Variants in PTPRQ observed in about 807,000 individuals in gnomAD.
PTPRQ encodes the protein protein tyrosine phosphatase receptor type Q, also known as phosphatidylinositol phosphatase PTPRQ.
In PTPRQ, 199 loss-of-function variants were observed where a neutral mutation model predicts 246.0. The ratio of observed to expected loss-of-function variants is 0.81; its 90% CI spans 0.72 to 0.91. The LOEUF (loss-of-function observed/expected upper bound fraction) is 0.91, where lower values mean the gene tolerates loss of function less well. Ranked by LOEUF, PTPRQ falls within the 40% of genes least tolerant of loss-of-function variation. The pLI is 0.00. For synonymous variants in PTPRQ, 869 were observed against 853.2 expected (o/e 1.02, Z -0.32); for missense variants, 2,624 against 2,528.4 (o/e 1.04, Z -0.81).
At position 80,496,083 on chromosome 12, in the gene PTPRQ, T is replaced by A; in HGVS notation, c.1967T>A (p.Ile656Asn). The A allele has an allele frequency of 6.5e-7, 1 of 1,548,876 alleles. No individual in the cohort carries two copies. Among genetic ancestry groups the A allele is most frequent in the Non-Finnish European group, 8.7e-7 (1 of 1,146,052 alleles). Residue 656 changes from isoleucine to asparagine, a missense_variant, in exon 13 of 45, where the codon ATC (isoleucine) becomes AAC (asparagine). Transcript: ENST00000644991. ...GESSLSEEND[I>N]FVRTSEDEPE... is the part of the protein sequence containing the mutation. ...AGTTCTTTGTCTGAAGAAAATGACA[T>A]CTTTGTGAGAACTTCAGAAGATGGT... is the stretch of plus-strand genomic sequence containing the variant.
intron 35 of PTPRQ, among the ~76,000 whole-genome samples, chr12:80,641,947 T>C (rs1485019436): frequency 2.0e-5 from 3 of 151,276 alleles, no homozygotes; most frequent in Non-Finnish European, 4.4e-5. Context: ...TTTCTTTCTC[T>C]TCTTTCTCTT....
chr12:80,657,532 T>C (rs1397559927), intron 38 of PTPRQ, among the ~76,000 whole-genome samples: 1 of 151,802 alleles, frequency 6.6e-6, no homozygotes, highest in African/African-American at 2.4e-5. Context: ...AAATTTCAAT[T>C]ATATCTATTC....
chr12:80,593,981 T>C (rs1897886620), intron 26 of PTPRQ, among the ~76,000 whole-genome samples: 1 of 151,516 alleles, frequency 6.6e-6, no homozygotes, highest in African/African-American at 2.4e-5. Flanking sequence ...AACCACAGGA[T>C]ACCATACTCA....
chr12:80,582,653 T>C (rs1897480523), intron 25 of PTPRQ, among the ~76,000 whole-genome samples: 1 of 152,164 alleles, frequency 6.6e-6, no homozygotes, highest in African/African-American at 2.4e-5. Flanking sequence ...TTCCAGAACG[T>C]TGAGAAATAA....
intron 25 of PTPRQ, 85 bp from the exon 26 acceptor site, chr12:80,588,044 C>T (rs1025940844): frequency 2.2e-6 from 3 of 1,368,876 alleles, no homozygotes; most frequent in South Asian, 1.6e-5. Context: ...CTACTAGCTC[C>T]TCCATAATAG....
At chr12:80,553,379 G>A (rs1210944567) in intron 25 of PTPRQ, among the ~76,000 whole-genome samples, 1 of 151,958 alleles carries the variant, frequency 6.6e-6, no homozygotes, top group Middle Eastern at 3.2e-3. Flanking sequence ...CACATGAATT[G>A]TTTGTTGATA....
intron 18 of PTPRQ, among the ~76,000 whole-genome samples, chr12:80,534,571 G>T (rs1373761285): frequency 2.0e-5 from 3 of 151,932 alleles, no homozygotes; most frequent in Non-Finnish European, 2.9e-5. Context: ...AGTTATATTA[G>T]AATTTCAAAT....
At chr12:80,507,119 C>T (rs1894986109) in intron 16 of PTPRQ, among the ~76,000 whole-genome samples, 1 of 151,906 alleles carries the variant, frequency 6.6e-6, no homozygotes, top group South Asian at 2.1e-4. Context: ...GGCTATTGTA[C>T]AGGCTTCTGC....
Position 80,546,650 on chromosome 12 carries a change from A to G in PTPRQ, c.3968A>G (p.Asn1323Ser), listed in dbSNP as rs374432374. The part of the protein sequence containing the change: ...IRVSAFTKVG[N>S]GNQFSNVVKF... ...GTATCTGCGTTCACCAAAGTTGGAA[A>G]TGGCAATCAATTTAGTAATGTAGTA... Residue 1323 changes from asparagine (N) to serine (S), a missense_variant, in exon 24 of 45, where the codon AAT becomes AGT. By Grantham distance (46) the Asn-to-Ser change is conservative. Coordinates refer to ENST00000644991, the MANE Select transcript of PTPRQ (RefSeq NM_001145026.2). The G allele has an allele frequency of 3.2e-6, 5 of 1,551,424 alleles. No homozygotes were observed. In the African/African-American group the frequency reaches 6.8e-5, roughly 21 times the overall value.
At chr12:80,646,817 C>T (rs1180568046) in intron 35 of PTPRQ, among the ~76,000 whole-genome samples, 1 of 151,876 alleles carries the variant, frequency 6.6e-6, no homozygotes, top group African/African-American at 2.4e-5. Context: ...GAAACAGCAA[C>T]TTTTGGTAGA....
At chr12:80,653,423 C>G (rs1341387072) in intron 38 of PTPRQ, among the ~76,000 whole-genome samples, 1 of 152,136 alleles carries the variant, frequency 6.6e-6, no homozygotes, top group East Asian at 1.9e-4. Flanking sequence ...TTCTCTGTTA[C>G]TAATAACTAT....
chr12:80,654,981 A>G (rs952766858), intron 38 of PTPRQ, among the ~76,000 whole-genome samples: 2 of 152,176 alleles, frequency 1.3e-5, no homozygotes, highest in African/African-American at 2.4e-5. Context: ...GATAGATCAG[A>G]AAGTTTTTTT....
At chr12:80,537,946 A>G (rs1207018494) in intron 19 of PTPRQ, among the ~76,000 whole-genome samples, 1 of 152,016 alleles carries the variant, frequency 6.6e-6, no homozygotes, top group African/African-American at 2.4e-5. Flanking sequence ...TGTCTCTACT[A>G]AAAATACAAA....
intron 17 of PTPRQ, among the ~76,000 whole-genome samples, chr12:80,529,826 A>G (rs1168423765): frequency 6.6e-6 from 1 of 151,842 alleles, no homozygotes; most frequent in Non-Finnish European, 1.5e-5. Flanking sequence ...TTTTTTTTTC[A>G]TTTCCTAAAT....
chr12:80,480,026 A>G (rs930339668), intron 8 of PTPRQ, among the ~76,000 whole-genome samples: 1 of 152,162 alleles, frequency 6.6e-6, no homozygotes, highest in Non-Finnish European at 1.5e-5. Context: ...AGTGGACCTA[A>G]TAGACATCTA....
intron 24 of PTPRQ, chr12:80,546,979 C>T (rs1037420195): frequency 4.0e-6 from 1 of 248,452 alleles, no homozygotes; most frequent in Non-Finnish European, 7.5e-6. Context: ...TGAAAATTAC[C>T]TAATTCTTAG....
At chr12:80,554,069 A>G (rs1896568619) in intron 25 of PTPRQ, among the ~76,000 whole-genome samples, 1 of 145,820 alleles carries the variant, frequency 6.9e-6, no homozygotes, top group Non-Finnish European at 1.5e-5. Context: ...TGGAAAAGGT[A>G]GGAGGGGCAG....
chr12:80,516,572 A>C (rs779341045), intron 17 of PTPRQ, among the ~76,000 whole-genome samples: 1 of 152,222 alleles, frequency 6.6e-6, no homozygotes, highest in Non-Finnish European at 1.5e-5. Context: ...AGTCAAAATA[A>C]TTCTAATGCA....
chr12:80,636,094 C>A (rs551331498), intron 35 of PTPRQ, among the ~76,000 whole-genome samples: 1 of 152,100 alleles, frequency 6.6e-6, no homozygotes, highest in Non-Finnish European at 1.5e-5. Context: ...CCAAATGCTA[C>A]AAAATGAAGG....
Sources: gnomAD v4.1 joint callset for allele counts (sites outside exome capture counted in the v4.1 genomes callset) on GRCh38, gnomAD v4.1.1 for gene constraint, MANE v1.5 for transcripts, NCBI Gene and HGNC (gene_info 2026-07-23, HGNC 2026-07-21) for gene names.